The following PTPN3 variants were observed in gnomAD, a reference collection of about 807,000 sequenced individuals.
The protein encoded by PTPN3 is protein tyrosine phosphatase non-receptor type 3, also known as tyrosine-protein phosphatase non-receptor type 3.
PTPN3 carries 96 observed loss-of-function variants against 132.7 expected under a neutral mutation model. The observed-to-expected ratio is 0.72, with a 90% CI of 0.61 to 0.86. PTPN3 has a LOEUF of 0.86. Among genes scored for constraint, PTPN3 ranks in the 40% least tolerant of loss-of-function variants. The pLI is 0.00. For missense variants in PTPN3, 1,125 were observed against 1,159.6 expected (o/e 0.97, Z 0.43); for synonymous variants, 398 against 429.0 (o/e 0.93, Z 0.89).
the PTPN3 span, among the ~76,000 whole-genome samples, chr9:109,519,493 GTAA>G: frequency 1.6e-4 from 25 of 152,212 alleles, no homozygotes; most frequent in Non-Finnish European, 3.5e-4. Context: ...AGCATCAGTA[GTAA>G]TACCAGTGAC....
At chr9:109,506,504 CTTCCTTCCTTCT>C in the PTPN3 span, among the ~76,000 whole-genome samples, 2 of 146,458 alleles carry the variant, frequency 1.4e-5, no homozygotes, top group Non-Finnish European at 1.5e-5. Flanking sequence ...ACCTTCTTTC[CTTCCTTCCTTCT>C]TTCCTTCCTT....
chr9:109,500,878 G>C (rs1470815152), upstream of PTPN3, among the ~76,000 whole-genome samples: 1 of 149,148 alleles, frequency 6.7e-6, no homozygotes, highest in Admixed American at 6.8e-5. Context: ...AGTGAGTTGT[G>C]ATGGCACCAT....
At chr9:109,449,260 G>A in intron 5 of PTPN3, 1 of 1,011,104 alleles carries the variant, frequency 9.9e-7, no homozygotes. Flanking sequence ...CCACTGTTCT[G>A]AACACTGTGC....
At chr9:109,516,512 G>C in the PTPN3 span, among the ~76,000 whole-genome samples, 1 of 152,168 alleles carries the variant, frequency 6.6e-6, no homozygotes, top group African/African-American at 2.4e-5. Context: ...AAGATCCATG[G>C]TGAGGGTGTA....
chr9:109,519,781 C>T, the PTPN3 span, among the ~76,000 whole-genome samples: 2 of 152,190 alleles, frequency 1.3e-5, no homozygotes, highest in Admixed American at 6.5e-5. Context: ...TTTGCATCAA[C>T]GCACTTAACC....
intron 4 of PTPN3, among the ~76,000 whole-genome samples, chr9:109,456,502 C>T (rs1277658205): frequency 5.9e-5 from 9 of 152,308 alleles, no homozygotes; most frequent in Admixed American, 5.2e-4. Flanking sequence ...GAAAAGCATT[C>T]CCAGCAGATG....
At chr9:109,392,153 T>C (rs7046423) in intron 19 of PTPN3, among the ~76,000 whole-genome samples, 131,801 of 152,242 alleles carry the variant, frequency 0.87, 57,391 homozygotes, top group African/African-American at 0.96. Flanking sequence ...CATATTTGTA[T>C]GGTATCTGAT....
chr9:109,406,407 G>A (rs781516040), intron 18 of PTPN3, 55 bp downstream of exon 18: 10 of 1,571,632 alleles, frequency 6.4e-6, no homozygotes, highest in African/African-American at 1.3e-5. Context: ...GCTGGAGCAG[G>A]CGCAGCTTGG....
chr9:109,404,201 AT>A (rs1289309433), intron 19 of PTPN3, among the ~76,000 whole-genome samples: 2 of 152,174 alleles, frequency 1.3e-5, no homozygotes, highest in Non-Finnish European at 2.9e-5. Context: ...GGCCACCCTG[AT>A]CCCTGCTTGC....
At chr9:109,475,362 C>T (rs1846606364) in intron 1 of PTPN3, among the ~76,000 whole-genome samples, 1 of 152,156 alleles carries the variant, frequency 6.6e-6, no homozygotes, top group Admixed American at 6.5e-5. Flanking sequence ...TAAATGAATA[C>T]CTCATTCTTG....
At chr9:109,508,304 G>A in the PTPN3 span, among the ~76,000 whole-genome samples, 17 of 152,068 alleles carry the variant, frequency 1.1e-4, no homozygotes, top group African/African-American at 4.1e-4. Flanking sequence ...GGGACTACAG[G>A]CGCCTGCCAC....
chr9:109,473,658 CAA>C (rs1033016531), intron 1 of PTPN3, among the ~76,000 whole-genome samples: 7 of 152,120 alleles, frequency 4.6e-5, no homozygotes, highest in African/African-American at 1.7e-4. Context: ...AACTAAAACA[CAA>C]AGTTTGCCTT....
intron 2 of PTPN3, among the ~76,000 whole-genome samples, chr9:109,462,075 T>G (rs1390102284): frequency 1.3e-5 from 2 of 152,234 alleles, no homozygotes; most frequent in Non-Finnish European, 2.9e-5. Context: ...CACTGGGGAA[T>G]AGCTGGAGGC....
chr9:109,428,290 C>G (rs1341716466), intron 11 of PTPN3, among the ~76,000 whole-genome samples: 1 of 152,202 alleles, frequency 6.6e-6, no homozygotes, highest in Non-Finnish European at 1.5e-5. Context: ...ACCACTGTCT[C>G]TGACTCCAAA....
In PTPN3 at chr9:109,438,238, T is replaced by C; in HGVS notation, c.467-4A>G. On this transcript the variant is annotated splice_region_variant and splice_polypyrimidine_tract_variant and intron_variant, in intron 7 of 25. Coordinates refer to ENST00000374541, the MANE Select transcript of PTPN3 (RefSeq NM_002829.4). ...GAATTATAGTCTCCAAAATGAGCTA[T>C]CAAGACAGAAGAAGGGGAAAATCAT... is the stretch of plus-strand genomic sequence containing the variant. 6.2e-7 allele frequency: 1 copy of C among 1,609,124 alleles called. No homozygotes were observed. Among genetic ancestry groups the C allele is most frequent in the Non-Finnish European group, 8.5e-7 (1 of 1,178,404 alleles).
At chr9:109,385,578 G>A (rs10118585) in intron 22 of PTPN3, among the ~76,000 whole-genome samples, 336 of 152,326 alleles carry the variant, frequency 2.2e-3, no homozygotes, top group African/African-American at 7.8e-3. Flanking sequence ...CTGGGGCAGA[G>A]CTGGAATGTC....
intron 1 of PTPN3, among the ~76,000 whole-genome samples, chr9:109,466,873 T>C (rs1364025391): frequency 4.6e-5 from 7 of 152,000 alleles, no homozygotes; most frequent in Admixed American, 4.6e-4. Context: ...ACCGGTTAGG[T>C]GTAGAAAGAG....
rs752234035 is a variant in PTPN3 at position 109,383,570 on chromosome 9, A to C, written c.2254-19T>G. On this transcript the variant is annotated intron_variant, in intron 22 of 25. Coordinates refer to ENST00000374541, the MANE Select transcript of PTPN3 (RefSeq NM_002829.4). ...ATTTGGTCTGTAAGAAACCACCGAG[A>C]GTGAGTGAGCCCCGTCTGTGGGGTG... 6.2e-6 allele frequency: 10 copies of C among 1,611,906 alleles called. No homozygotes were observed. The Admixed American group carries it at 1.7e-4, about 27-fold the overall frequency.
the PTPN3 span, chr9:109,532,944 GTTTTTTTTTTT>G: frequency 1.0e-4 from 31 of 306,504 alleles, no homozygotes; most frequent in East Asian, 5.2e-4. Flanking sequence ...TCTTTTCTGG[GTTTTTTTTTTT>G]TTTTTTTTTT....
Sources: gnomAD v4.1 joint callset for allele counts (sites outside exome capture counted in the v4.1 genomes callset) on GRCh38, gnomAD v4.1.1 for gene constraint, MANE v1.5 for transcripts, NCBI Gene and HGNC (gene_info 2026-07-23, HGNC 2026-07-21) for gene names.